PHACTR2: variants seen among roughly 807,000 people sequenced by gnomAD.
PHACTR2 encodes the protein chromosome 6 open reading frame 56.
A neutral mutation model predicts 76.0 loss-of-function variants in PHACTR2; 30 were observed. The ratio of observed to expected loss-of-function variants is 0.39; its 90% CI spans 0.30 to 0.54. PHACTR2 has a LOEUF of 0.54. PHACTR2 is among the 20% of genes least tolerant of loss of function. The probability of loss-of-function intolerance (pLI) is 0.61; values close to 1 mark genes in which losing one functional copy is unlikely to be tolerated. For missense variants in PHACTR2, 696 were observed against 781.1 expected (o/e 0.89, Z 1.30); for synonymous variants, 292 against 292.5 (o/e 1.00, Z 0.02).
rs1777804202 is a variant in PHACTR2 at position 143,697,715 on chromosome 6, G to A, written c.47-14301G>A. Among the ~76,000 whole-genome samples, 1 of 152,182 alleles carries A rather than the reference G, an allele frequency of 6.6e-6. No homozygotes were observed. The highest frequency in any genetic ancestry group is 1.5e-5 in the Non-Finnish European group (1 of 68,032). Reference sequence around the variant, plus strand: ...GGCACTGTTGGAAACAATTTCCTCTGTGAAAAATCTAAAGACCTGCTAAAA... The same window carrying A: ...GGCACTGTTGGAAACAATTTCCTCTATGAAAAATCTAAAGACCTGCTAAAA... On this transcript the variant is annotated intron_variant, in intron 1 of 12. Transcript: ENST00000440869. This position sits in a 1 kb window ranked among gnomAD's most constrained non-coding sequence, Gnocchi z 4.4.
intron 1 of PHACTR2, among the ~76,000 whole-genome samples, chr6:143,576,733 G>A (rs1044399166): frequency 2.1e-4 from 32 of 151,906 alleles, no homozygotes; most frequent in Middle Eastern, 3.4e-3. Context: ...AAAATTAACC[G>A]GGTGTGGTGG....
chr6:143,630,690 G>A (rs899578048), intron 1 of PHACTR2, among the ~76,000 whole-genome samples: 1 of 152,192 alleles, frequency 6.6e-6, no homozygotes, highest in Non-Finnish European at 1.5e-5. Flanking sequence ...AAACTGAACA[G>A]AGCAGGTCTA....
intron 1 of PHACTR2, among the ~76,000 whole-genome samples, chr6:143,576,890 A>C (rs1457071997): frequency 8.6e-5 from 2 of 23,328 alleles, no homozygotes; most frequent in African/African-American, 2.9e-4. Context: ...AAAAAAAAAA[A>C]AAAAAAAAAA....
In PHACTR2 at chr6:143,595,450, G is replaced by C. The variant is rs1450304086; in HGVS notation, c.217+58243G>C. Among the ~76,000 whole-genome samples, 1 of 152,190 alleles carries C rather than the reference G, an allele frequency of 6.6e-6. No individual in the cohort carries two copies. Among genetic ancestry groups the C allele is most frequent in the Non-Finnish European group, 1.5e-5 (1 of 68,038 alleles). On this transcript the variant is annotated intron_variant, in intron 1 of 11. Coordinates refer to the PHACTR2 transcript ENST00000367584. This position sits in a 1 kb window ranked among gnomAD's most constrained non-coding sequence, Gnocchi z 4.2. ...AAGGCCTGGGTCATGAGAATTCTATGGTGCTGACTGCATTTGGAGCTTAAT... is the reference window on the plus strand; with the variant it reads ...AAGGCCTGGGTCATGAGAATTCTATCGTGCTGACTGCATTTGGAGCTTAAT...
In PHACTR2 at chr6:143,751,146, C is replaced by A. The variant is rs140732453; in HGVS notation, c.295+2081C>A. Among the ~76,000 whole-genome samples the A allele has an allele frequency of 6.6e-6, 1 of 152,176 alleles. No individual in the cohort carries two copies. Among genetic ancestry groups the A allele is most frequent in the African/African-American group, 2.4e-5 (1 of 41,434 alleles). On this transcript the variant is annotated intron_variant, in intron 3 of 12. Transcript: ENST00000440869. This position sits in a 1 kb window ranked among gnomAD's most constrained non-coding sequence, Gnocchi z 5.7. ...GTTTGCCTTGATCTTCTTGACCTTG[C>A]GTCTGCTCTTGACAGTGCCTGTCCA...
At position 143,793,444 on chromosome 6, in the gene PHACTR2, T is replaced by C. The variant is rs6911559; in HGVS notation, c.1845+4534T>C. On this transcript the variant is annotated intron_variant, in intron 11 of 12. Transcript: ENST00000440869. This position sits in a 1 kb window ranked among gnomAD's most constrained non-coding sequence, Gnocchi z 4.4. ...GATCTGAGCCCCAGAGCACAGCCAC[T>C]GCCCCTCTCTCCTCACACATGGGCC... 0.61 allele frequency among the ~76,000 whole-genome samples: 92,911 copies of C among 151,794 alleles called. 28,607 individuals are homozygous for C. Among genetic ancestry groups the C allele is most frequent in the East Asian group, 0.69 (3,536 of 5,146 alleles).
chr6:143,583,346 C>A lies in PHACTR2; in HGVS notation c.217+46139C>A, dbSNP rs1245763176. Among the ~76,000 whole-genome samples, 1 of 152,188 alleles carries A rather than the reference C, an allele frequency of 6.6e-6. No homozygotes were observed. Among genetic ancestry groups the A allele is most frequent in the Non-Finnish European group, 1.5e-5 (1 of 68,026 alleles). ...GCTAGCAGCAGTCCTCAGATTGTTG[C>A]CCAGAACCGTTTACAATGACAATAT... On this transcript the variant is annotated intron_variant, in intron 1 of 11. Coordinates refer to the PHACTR2 transcript ENST00000367584. The surrounding 1 kb of genome is among the most constrained non-coding windows in gnomAD (Gnocchi z 4.0).
chr6:143,772,594 A>T lies in PHACTR2; in HGVS notation c.1432+137A>T. ...CCTCATCCTCCTTTCTCAAATTAGA[A>T]ATGTGTATATCCTAAAGTTTAGCTT... On this transcript the variant is annotated intron_variant, in intron 7 of 12. Transcript: ENST00000440869. The surrounding 1 kb of genome is among the most constrained non-coding windows in gnomAD (Gnocchi z 5.4). The T allele has an allele frequency of 1.5e-6, 1 of 668,442 alleles. No homozygotes were observed. The highest frequency in any genetic ancestry group is 2.6e-6 in the Non-Finnish European group (1 of 386,002). 41.4% of individuals were successfully genotyped at this position (668,442 alleles called of 1,614,324 possible). A position where few individuals can be genotyped will look rare whatever the true frequency, so the allele number is the denominator to read the frequency against.
At chr6:143,603,994 G>T (rs561795241), upstream of PHACTR2, among the ~76,000 whole-genome samples, 1 of 150,872 alleles carries the variant, frequency 6.6e-6, no homozygotes, top group Non-Finnish European at 1.5e-5. Flanking sequence ...AGCTATCCAG[G>T]AACTGAGGCT....
At chr6:143,620,365 G>C (rs967540436) in intron 1 of PHACTR2, among the ~76,000 whole-genome samples, 1 of 151,726 alleles carries the variant, frequency 6.6e-6, no homozygotes, top group African/African-American at 2.4e-5. Flanking sequence ...GAGCACCTGG[G>C]TTACTGTAAA....
rs1243302298 is a variant in PHACTR2 at position 143,819,072 on chromosome 6, C to T, written c.1923-4602C>T. Among the ~76,000 whole-genome samples, 1 of 152,094 alleles carries T rather than the reference C, an allele frequency of 6.6e-6. No homozygotes were observed. Among genetic ancestry groups the T allele is most frequent in the Admixed American group, 6.5e-5 (1 of 15,270 alleles). ...TTAAGTTTAGGGGCTTCTGATTGGA[C>T]TCCTCAGTCATATAGAATTATTTAT... On this transcript the variant is annotated intron_variant, in intron 12 of 12. Coordinates refer to ENST00000440869, the MANE Select transcript of PHACTR2 (RefSeq NM_001100164.2). This position sits in a 1 kb window ranked among gnomAD's most constrained non-coding sequence, Gnocchi z 5.0.
intron 1 of PHACTR2, among the ~76,000 whole-genome samples, chr6:143,699,521 G>A (rs1401748656): frequency 6.6e-6 from 1 of 152,136 alleles, no homozygotes; most frequent in Non-Finnish European, 1.5e-5. Flanking sequence ...TTGTTTAGAA[G>A]ACTCCACCAA....
Position 143,688,588 on chromosome 6 carries a change from A to G in PHACTR2, c.46+10379A>G, listed in dbSNP as rs545573627. Among the ~76,000 whole-genome samples, 4 of 152,268 alleles carry G rather than the reference A, an allele frequency of 2.6e-5. No homozygotes were observed. Among genetic ancestry groups the G allele is most frequent in the Admixed American group, 6.5e-5 (1 of 15,304 alleles). On this transcript the variant is annotated intron_variant, in intron 1 of 12. Transcript: ENST00000440869. The surrounding 1 kb of genome is among the most constrained non-coding windows in gnomAD (Gnocchi z 5.2). ...CTACATTTCACCAAATGATACCCCA[A>G]CCACTCACTTATTCTAGCCCAAGAT...
chr6:143,780,964 G>A lies in PHACTR2; in HGVS notation c.1646-2255G>A, dbSNP rs1473943285. On this transcript the variant is annotated intron_variant, in intron 9 of 12. Coordinates refer to ENST00000440869, the MANE Select transcript of PHACTR2 (RefSeq NM_001100164.2). The surrounding 1 kb of genome is among the most constrained non-coding windows in gnomAD (Gnocchi z 4.4). ...AAGGTTTAAACTTGACTCTATGAGA[G>A]ATTTTACAATGACTGTTTAATAAGA... 2.0e-5 allele frequency among the ~76,000 whole-genome samples: 3 copies of A among 152,224 alleles called. No homozygotes were observed. In the East Asian group the frequency reaches 5.8e-4, roughly 29 times the overall value.
In PHACTR2 at chr6:143,761,809, G is replaced by T. The variant is rs764403022; in HGVS notation, c.694+1169G>T. On this transcript the variant is annotated intron_variant, in intron 5 of 12. Transcript: ENST00000440869. The surrounding 1 kb of genome is among the most constrained non-coding windows in gnomAD (Gnocchi z 5.2). ...AACAGCAACTTTCTAGCAGTTGACT[G>T]TCAGGATTTGCCTTGGTGTTGATCT... Among the ~76,000 whole-genome samples the T allele has an allele frequency of 3.9e-5, 6 of 152,140 alleles. No individual in the cohort carries two copies. The highest frequency in any genetic ancestry group is 5.9e-5 in the Non-Finnish European group (4 of 68,028).
intron 1 of PHACTR2, among the ~76,000 whole-genome samples, chr6:143,636,051 TA>T (rs1776446135): frequency 6.6e-6 from 1 of 151,900 alleles, no homozygotes; most frequent in Non-Finnish European, 1.5e-5. Context: ...CTACTAAAAG[TA>T]AAAAACTAAA....
chr6:143,782,401 G>T lies in PHACTR2; in HGVS notation c.1646-818G>T, dbSNP rs539159811. Among the ~76,000 whole-genome samples the T allele has an allele frequency of 6.6e-6, 1 of 152,256 alleles. No individual in the cohort carries two copies. Among genetic ancestry groups the T allele is most frequent in the African/African-American group, 2.4e-5 (1 of 41,542 alleles). ...CCAAGAAGCAAAATGTATGCTCACT[G>T]ATCAAACAGATGATCAGCTAAACGA... On this transcript the variant is annotated intron_variant, in intron 9 of 12. Coordinates refer to ENST00000440869, the MANE Select transcript of PHACTR2 (RefSeq NM_001100164.2). This position sits in a 1 kb window ranked among gnomAD's most constrained non-coding sequence, Gnocchi z 4.6.
chr6:143,636,025 T>C (rs1045131059), intron 1 of PHACTR2, among the ~76,000 whole-genome samples: 1 of 152,170 alleles, frequency 6.6e-6, no homozygotes, highest in Non-Finnish European at 1.5e-5. Flanking sequence ...CTGGCCAACA[T>C]GGCAAAACCT....
chr6:143,714,617 A>G (rs1255635274), intron 2 of PHACTR2, among the ~76,000 whole-genome samples: 1 of 152,192 alleles, frequency 6.6e-6, no homozygotes, highest in Non-Finnish European at 1.5e-5. Flanking sequence ...TTTAAAGCAG[A>G]AAGTTTCCAA....
Sources: allele counts gnomAD v4.1 joint callset (sites outside exome capture counted in the v4.1 genomes callset), GRCh38; gene constraint gnomAD v4.1.1; non-coding constraint Gnocchi (gnomAD v3.1); transcripts MANE v1.5; gene names NCBI Gene and HGNC (gene_info 2026-07-23, HGNC 2026-07-21).